Variants in RASA1 observed in about 807,000 individuals in gnomAD.
RASA1 encodes the protein RAS p21 protein activator 1.
A neutral mutation model predicts 132.2 loss-of-function variants in RASA1; 25 were observed. The ratio of observed to expected loss-of-function variants is 0.19; its 90% confidence interval spans 0.14 to 0.26. The LOEUF (loss-of-function observed/expected upper bound fraction) is 0.26, where lower values mean the gene tolerates loss of function less well. Ranked by LOEUF, RASA1 falls within the 10% of genes least tolerant of loss-of-function variation. RASA1 has a pLI of 1.00. For missense variants in RASA1, 964 were observed against 1,299.2 expected (o/e 0.74, Z 3.97); for synonymous variants, 477 against 449.9 (o/e 1.06, Z -0.76).
At chr5:87,348,827 C>A (rs1038301708) in intron 7 of RASA1, among the ~76,000 whole-genome samples, 1 of 151,836 alleles carries the variant, frequency 6.6e-6, no homozygotes, top group African/African-American at 2.4e-5. Context: ...GCAAACTGGT[C>A]TTCACTTTTT....
chr5:87,348,355 G>A (rs1236299281), intron 7 of RASA1, among the ~76,000 whole-genome samples: 3 of 151,900 alleles, frequency 2.0e-5, no homozygotes, highest in Middle Eastern at 3.2e-3. Flanking sequence ...AAACAATCAA[G>A]TCCTGATCTT....
chr5:87,289,368 T>A (rs1754815473), intron 1 of RASA1, among the ~76,000 whole-genome samples: 1 of 152,208 alleles, frequency 6.6e-6, no homozygotes. Flanking sequence ...CCCTTTATAA[T>A]TAATAAATAA....
chr5:87,320,115 C>T (rs955994349), intron 1 of RASA1, among the ~76,000 whole-genome samples: 17 of 152,174 alleles, frequency 1.1e-4, no homozygotes, highest in African/African-American at 3.9e-4. Context: ...CTCTGGTTCC[C>T]AATAAGTTCC....
At chr5:87,282,631 AC>A (rs972781394) in intron 1 of RASA1, among the ~76,000 whole-genome samples, 1 of 152,100 alleles carries the variant, frequency 6.6e-6, no homozygotes, top group Non-Finnish European at 1.5e-5. Context: ...ATTTTTGAAT[AC>A]CCTTTCAATT....
At chr5:87,306,177 T>C (rs1208023064) in intron 1 of RASA1, among the ~76,000 whole-genome samples, 1 of 152,194 alleles carries the variant, frequency 6.6e-6, no homozygotes, top group Non-Finnish European at 1.5e-5. Flanking sequence ...TGTATGTTCA[T>C]TGCAGCACTC....
intron 23 of RASA1, chr5:87,389,179 A>AAATT (rs1762283424): frequency 4.3e-6 from 2 of 464,046 alleles, no homozygotes; most frequent in Non-Finnish European, 7.9e-6. Context: ...TTGTAACAAA[A>AAATT]AATTAGCTGG....
chr5:87,390,199 G>C (rs1002178456), intron 24 of RASA1, among the ~76,000 whole-genome samples: 3 of 152,220 alleles, frequency 2.0e-5, no homozygotes, highest in East Asian at 1.9e-4. Flanking sequence ...AGAACAAAAT[G>C]AGTTACACTT....
chr5:87,293,920 ATCTT>A (rs1213764624), intron 1 of RASA1, among the ~76,000 whole-genome samples: 1 of 152,058 alleles, frequency 6.6e-6, no homozygotes, highest in East Asian at 1.9e-4. Flanking sequence ...ATTAGTAAAG[ATCTT>A]CTCTTTCAGT....
intron 1 of RASA1, among the ~76,000 whole-genome samples, chr5:87,286,126 C>G (rs1368938916): frequency 6.6e-6 from 1 of 151,956 alleles, no homozygotes; most frequent in Non-Finnish European, 1.5e-5. Flanking sequence ...CTCAGCCTCC[C>G]GAGTAGCTGG....
At chr5:87,372,038 T>A in intron 12 of RASA1, 80 bp from the exon 13 acceptor site, 3 of 799,702 alleles carry the variant, frequency 3.8e-6, no homozygotes, top group Non-Finnish European at 5.4e-6. Flanking sequence ...TTGTTGAATT[T>A]GAAAAAAAAA....
At position 87,383,768 on chromosome 5, in the gene RASA1, A is replaced by G. The variant is rs1384516243; in HGVS notation, c.2746A>G (p.Asn916Asp). Residue 916 changes from asparagine (N) to aspartate (D), a missense_variant, in exon 21 of 25, where the codon AAT becomes GAT. Transcript: ENST00000274376. ...CPAILNPRMFNIISDSPSPIA... is the reference protein window; with the variant it reads ...CPAILNPRMFDIISDSPSPIA... Reference sequence around the variant, plus strand: ...TGCCATCCTGAATCCACGGATGTTCAATATCATCTCAGGTAATCAGCTTTT... The same window carrying G: ...TGCCATCCTGAATCCACGGATGTTCGATATCATCTCAGGTAATCAGCTTTT... 2 of 1,610,676 alleles carry G rather than the reference A, an allele frequency of 1.2e-6. No individual in the cohort carries two copies. Among genetic ancestry groups the G allele is most frequent in the Non-Finnish European group, 1.7e-6 (2 of 1,177,962 alleles).
At chr5:87,316,412 GTAGA>G (rs1156921474) in intron 1 of RASA1, among the ~76,000 whole-genome samples, 2 of 152,210 alleles carry the variant, frequency 1.3e-5, no homozygotes, top group Admixed American at 6.5e-5. Flanking sequence ...CAGGTTATCA[GTAGA>G]TAAACAGTTA....
At chr5:87,309,276 GATAC>G (rs1266817699) in intron 1 of RASA1, among the ~76,000 whole-genome samples, 2 of 152,076 alleles carry the variant, frequency 1.3e-5, no homozygotes, top group South Asian at 2.1e-4. Flanking sequence ...CAATAAATAT[GATAC>G]ATACATAAAT....
intron 1 of RASA1, among the ~76,000 whole-genome samples, chr5:87,295,173 AT>A (rs992965446): frequency 6.6e-6 from 1 of 152,034 alleles, no homozygotes; most frequent in African/African-American, 2.4e-5. Flanking sequence ...CTTTCTTCTG[AT>A]TAGCGTTAGC....
intron 1 of RASA1, among the ~76,000 whole-genome samples, chr5:87,306,664 A>T (rs1216072682): frequency 6.6e-6 from 1 of 152,116 alleles, no homozygotes; most frequent in Non-Finnish European, 1.5e-5. Flanking sequence ...TTTTACTATG[A>T]TATGCCTAGA....
At position 87,294,097 on chromosome 5, in the gene RASA1, C is replaced by G. The variant is rs565730040; in HGVS notation, c.539+25107C>G. 6.6e-5 allele frequency: 10 copies of G among 152,142 alleles called. No homozygotes were observed. The East Asian group carries it at 1.9e-3, about 29-fold the overall frequency. 9.4% of individuals were successfully genotyped at this position (152,142 alleles called of 1,614,324 possible). Reference sequence around the variant, plus strand: ...TTTTTGCTGTAATTTCTATATTTCTCTTTATCTGCTTACTTTGGAGTTAAT... The same window carrying G: ...TTTTTGCTGTAATTTCTATATTTCTGTTTATCTGCTTACTTTGGAGTTAAT... On this transcript the variant is annotated intron_variant, in intron 1 of 24. Transcript: ENST00000274376.
intron 1 of RASA1, among the ~76,000 whole-genome samples, chr5:87,285,319 G>A (rs764890903): frequency 5.9e-5 from 9 of 151,634 alleles, no homozygotes; most frequent in African/African-American, 1.7e-4. Flanking sequence ...CTTCCTCCTC[G>A]GCCTCCCAAA....
intron 6 of RASA1, among the ~76,000 whole-genome samples, chr5:87,345,542 C>G (rs751255813): frequency 4.6e-5 from 7 of 152,074 alleles, no homozygotes; most frequent in Non-Finnish European, 7.4e-5. Context: ...TTGTTGTATT[C>G]TTGCTTTATA....
At chr5:87,362,027 T>C (rs915277255) in intron 9 of RASA1, among the ~76,000 whole-genome samples, 1 of 152,176 alleles carries the variant, frequency 6.6e-6, no homozygotes, top group Non-Finnish European at 1.5e-5. Context: ...GGGTGTGGCA[T>C]GTGACACACT....
Sources: allele counts gnomAD v4.1 joint callset (sites outside exome capture counted in the v4.1 genomes callset), GRCh38; gene constraint gnomAD v4.1.1; transcripts MANE v1.5; gene names NCBI Gene and HGNC (gene_info 2026-07-23, HGNC 2026-07-21).